FAM110A: variants seen among roughly 807,000 people sequenced by gnomAD.
The protein encoded by FAM110A is family with sequence similarity 110 member A.
Under a neutral mutation model 4.0 loss-of-function variants are expected in FAM110A, and 1 was observed. That is an observed-to-expected ratio of 0.25 (90% confidence interval 0.09 to 1.20). The LOEUF (loss-of-function observed/expected upper bound fraction) is 1.20. FAM110A is among the 50% of genes most tolerant of loss of function. The probability of loss-of-function intolerance (pLI) is 0.50; values close to 1 mark genes in which losing one functional copy is unlikely to be tolerated. For synonymous variants in FAM110A, 217 were observed against 196.8 expected, an observed-to-expected ratio of 1.10 and a Z score of -0.86; for missense variants, 436 against 429.2, an observed-to-expected ratio of 1.02 and a Z score of -0.14.
chr20:845,852 G>A lies in FAM110A; in HGVS notation c.*160G>A. On this transcript the variant is annotated 3_prime_UTR_variant, in exon 2 of 2. Coordinates refer to ENST00000381941, the MANE Select transcript of FAM110A (RefSeq NM_001042353.3). ...GCTTAGAGGCTGGACCAGCATTGTT[G>A]GGCAAGGACTGACTCTCCAAGGGTT... is the stretch of plus-strand genomic sequence containing the variant. 7.0e-7 allele frequency: 1 copy of A among 1,419,272 alleles called. No individual in the cohort carries two copies. The allele number at this position is 1,419,272 out of a possible 1,614,324, so 87.9% of individuals were successfully genotyped here.
chr20:845,088 GC>G lies in FAM110A; in HGVS notation c.288del (p.Cys97AlafsTer95). On this transcript the variant is annotated frameshift_variant, in exon 2 of 2. Transcript: ENST00000381941. LOFTEE classifies it high-confidence loss of function. The part of the protein sequence containing the change: ...VLTPSRRALP[G>X]PCRRPQLDLD... ...ACGCCCAGCCGCCGAGCCCTGCCTG[GC>G]CCCTGCCGACGGCCCCAGCTGGACC... The G allele has an allele frequency of 6.3e-7, 1 of 1,597,044 alleles. No homozygotes were observed.
rs1469530443 is a variant in FAM110A at position 845,585 on chromosome 20, C to G, written c.781C>G (p.Arg261Gly). ...CTCGGTGACTGTTGAGGAGCGGGCC[C>G]GGGAGCGCGTTCCCTATGGCGTGTC... ...RSSVTVEERARERVPYGVSVV... is the reference protein window; with the variant it reads ...RSSVTVEERAGERVPYGVSVV... The change falls in exon 2 of 2, where the codon CGG (arginine) becomes GGG (glycine). Residue 261 changes from arginine to glycine, a missense_variant. Arg to Gly is a moderately radical substitution (Grantham distance 125, BLOSUM62 -2). Coordinates refer to ENST00000381941, the MANE Select transcript of FAM110A (RefSeq NM_001042353.3). The G allele has an allele frequency of 1.9e-6, 3 of 1,613,752 alleles. No individual in the cohort carries two copies. The highest frequency in any genetic ancestry group is 2.7e-5 in the African/African-American group (2 of 74,910).
Position 840,172 on chromosome 20 carries a change from T to G in FAM110A, c.-97-4536T>G, listed in dbSNP as rs1159427874. Among the ~76,000 whole-genome samples, 1 of 152,136 alleles carries G rather than the reference T, an allele frequency of 6.6e-6. No individual in the cohort carries two copies. The highest frequency in any genetic ancestry group is 2.4e-5 in the African/African-American group (1 of 41,430). The stretch of plus-strand genomic sequence containing the variant: ...CAGGCCATTTGGAGGATGAAGGACT[T>G]GTTGCCCCGTCCCCTGTAAAGTCAG... On this transcript the variant is annotated intron_variant, in intron 1 of 1. Coordinates refer to ENST00000381941, the MANE Select transcript of FAM110A (RefSeq NM_001042353.3). This position sits in a 1 kb window ranked among gnomAD's most constrained non-coding sequence, Gnocchi z 4.4.
chr20:840,049 C>A lies in FAM110A; in HGVS notation c.-97-4659C>A. On this transcript the variant is annotated intron_variant, in intron 1 of 1. Coordinates refer to ENST00000381941, the MANE Select transcript of FAM110A (RefSeq NM_001042353.3). The surrounding 1 kb of genome is among the most constrained non-coding windows in gnomAD (Gnocchi z 4.4). ...TTCTTTTCTTTGCTATTACGAAAAT[C>A]ATTATTGTTGCTTTGCTGTTACTAC... The A allele has an allele frequency of 2.4e-6, 2 of 824,120 alleles. No individual in the cohort carries two copies. Among genetic ancestry groups the A allele is most frequent in the South Asian group, 1.6e-5 (1 of 64,166 alleles). 51.1% of individuals were successfully genotyped at this position (824,120 alleles called of 1,614,324 possible).
rs1980166038 is a variant in FAM110A, at chr20:844,755, C to T, written c.-50C>T. 5 of 1,311,592 alleles carry T rather than the reference C, an allele frequency of 3.8e-6. No individual in the cohort carries two copies. The highest frequency in any genetic ancestry group is 2.1e-5 in the African/African-American group (1 of 46,962). The allele number at this position is 1,311,592 out of a possible 1,614,324, so 81.2% of individuals were successfully genotyped here. On this transcript the variant is annotated 5_prime_UTR_variant, in exon 2 of 2. Coordinates refer to ENST00000381941, the MANE Select transcript of FAM110A (RefSeq NM_001042353.3). ...TACTTTCTGCCCGGATCTCTGGCTCCTCATCTCTCCGGTCTCCGCAGACTA... is the reference window on the plus strand; with the variant it reads ...TACTTTCTGCCCGGATCTCTGGCTCTTCATCTCTCCGGTCTCCGCAGACTA...
At chr20:838,127 C>A (rs1979679334) in intron 1 of FAM110A, among the ~76,000 whole-genome samples, 1 of 152,068 alleles carries the variant, frequency 6.6e-6, no homozygotes, top group Non-Finnish European at 1.5e-5. Context: ...CTATTTGAGG[C>A]TGCAGTGAGC....
chr20:845,895 C>CA lies in FAM110A; in HGVS notation c.*204dup. 8.9e-7 allele frequency: 1 copy of CA among 1,125,196 alleles called. No individual in the cohort carries two copies. Among genetic ancestry groups the CA allele is most frequent in the Non-Finnish European group, 1.2e-6 (1 of 809,002 alleles). 69.7% of individuals were successfully genotyped at this position (1,125,196 alleles called of 1,614,324 possible). On this transcript the variant is annotated 3_prime_UTR_variant, in exon 2 of 2. Coordinates refer to ENST00000381941, the MANE Select transcript of FAM110A (RefSeq NM_001042353.3). Reference sequence around the variant, plus strand: ...CAAGGGTTTTGTTCTTGGCTTTGGACACCTGAGAACCCCCTCCTCCCCTCC... The same window carrying CA: ...CAAGGGTTTTGTTCTTGGCTTTGGACAACCTGAGAACCCCCTCCTCCCCTCC...
In FAM110A at chr20:845,826, G is replaced by A; in HGVS notation, c.*134G>A. ...GTTGTGAACTTGGTATGGAGGCAAA[G>A]GCTTAGAGGCTGGACCAGCATTGTT... On this transcript the variant is annotated 3_prime_UTR_variant, in exon 2 of 2. Coordinates refer to ENST00000381941, the MANE Select transcript of FAM110A (RefSeq NM_001042353.3). 1 of 1,467,232 alleles carries A rather than the reference G, an allele frequency of 6.8e-7. No individual in the cohort carries two copies. Among genetic ancestry groups the A allele is most frequent in the East Asian group, 2.5e-5 (1 of 40,488 alleles). 90.9% of individuals were successfully genotyped at this position (1,467,232 alleles called of 1,614,324 possible).
In FAM110A at chr20:845,257, C is replaced by G. The variant is rs2122703296; in HGVS notation, c.453C>G (p.Val151=). The stretch of plus-strand genomic sequence containing the variant: ...GACCGCCGCCCAGTACCTCTGCGGT[C>G]CGCCGGGTGGACGTCCGCCCCCTGC... ...PPRPPPSTSA[V]RRVDVRPLPA... The change falls in exon 2 of 2, where the codon GTC becomes GTG. Residue 151 remains valine, a synonymous_variant. Transcript: ENST00000381941. 1 of 1,494,442 alleles carries G rather than the reference C, an allele frequency of 6.7e-7. No homozygotes were observed. Among genetic ancestry groups the G allele is most frequent in the Non-Finnish European group, 8.9e-7 (1 of 1,125,390 alleles). The allele number at this position is 1,494,442 out of a possible 1,614,324, so 92.6% of individuals were successfully genotyped here.
At chr20:837,856 A>G (rs897742995) in intron 1 of FAM110A, among the ~76,000 whole-genome samples, 4 of 151,520 alleles carry the variant, frequency 2.6e-5, no homozygotes, top group Non-Finnish European at 4.4e-5. Context: ...TGGAAAGGCC[A>G]GGAGCACGGT....
chr20:836,006 C>T lies in FAM110A; in HGVS notation c.-98+2055C>T, dbSNP rs1979554964. 4 of 152,212 alleles carry T rather than the reference C, an allele frequency of 2.6e-5. 1 individual carries two copies. The South Asian group carries it at 8.3e-4, about 32-fold the overall frequency. 9.4% of individuals were successfully genotyped at this position (152,212 alleles called of 1,614,324 possible). ...TATAACCTTTGGAAACCACACCTCC[C>T]ACCCCCTCACCAAAGAATAAAAATC... On this transcript the variant is annotated intron_variant, in intron 1 of 1. Transcript: ENST00000381941.
Position 840,552 on chromosome 20 carries a change from G to C in FAM110A, c.-97-4156G>C, listed in dbSNP as rs1979830825. On this transcript the variant is annotated intron_variant, in intron 1 of 1. Coordinates refer to ENST00000381941, the MANE Select transcript of FAM110A (RefSeq NM_001042353.3). The surrounding 1 kb of genome is among the most constrained non-coding windows in gnomAD (Gnocchi z 4.4). ...CTCTGGGGATTTAAATGAGTATGGT[G>C]CCTGGCACCCCAAAATTCTAGTTAT... Among the ~76,000 whole-genome samples the C allele has an allele frequency of 6.6e-6, 1 of 152,186 alleles. No homozygotes were observed. Among genetic ancestry groups the C allele is most frequent in the Non-Finnish European group, 1.5e-5 (1 of 68,032 alleles).
chr20:842,003 G>A (rs1042156124), intron 1 of FAM110A, among the ~76,000 whole-genome samples: 1 of 152,214 alleles, frequency 6.6e-6, no homozygotes, highest in Non-Finnish European at 1.5e-5. Flanking sequence ...AAATCTTCTT[G>A]AAGACCAGGA....
Position 844,847 on chromosome 20 carries a change from G to T in FAM110A, c.43G>T (p.Ala15Ser). The T allele has an allele frequency of 8.5e-6, 13 of 1,525,568 alleles. No individual in the cohort carries two copies. Among genetic ancestry groups the T allele is most frequent in the South Asian group, 1.2e-5 (1 of 80,480 alleles). The allele number at this position is 1,525,568 out of a possible 1,614,324, so 94.5% of individuals were successfully genotyped here. The change falls in exon 2 of 2, where the codon GCC becomes TCC. Residue 15 changes from alanine to serine, a missense_variant. Transcript: ENST00000381941. Reference protein sequence around the residue: ...TLSPGAPSAPALPCRLRTRVP... With the variant: ...TLSPGAPSAPSLPCRLRTRVP... ...GAGCCCCGGAGCCCCGTCCGCCCCC[G>T]CCCTACCTTGCCGCCTGCGGACCAG...
intron 1 of FAM110A, among the ~76,000 whole-genome samples, chr20:841,518 C>T (rs1209669500): frequency 2.0e-5 from 3 of 152,176 alleles, no homozygotes; most frequent in African/African-American, 7.2e-5. Flanking sequence ...GCTAGCCGAC[C>T]CCCCATCCCC....
In FAM110A at chr20:834,070, G is replaced by A. The variant is rs1979453820; in HGVS notation, c.-98+119G>A. On this transcript the variant is annotated intron_variant, in intron 1 of 1. Coordinates refer to ENST00000381941, the MANE Select transcript of FAM110A (RefSeq NM_001042353.3). The surrounding 1 kb of genome is among the most constrained non-coding windows in gnomAD (Gnocchi z 5.6). ...GTGTCATTTCACAGATGAGGACTCT[G>A]AGGCTCAGAGAGGCAAGTGTCCCGG... 1.3e-5 allele frequency: 2 copies of A among 152,382 alleles called. No homozygotes were observed. The highest frequency in any genetic ancestry group is 2.4e-5 in the African/African-American group (1 of 41,466). 9.4% of individuals were successfully genotyped at this position (152,382 alleles called of 1,614,324 possible).
rs879111452 is a variant in FAM110A at position 844,675 on chromosome 20, C to CTT, written c.-97-20_-97-19dup. On this transcript the variant is annotated intron_variant, in intron 1 of 1. Transcript: ENST00000381941. ...AGCCTCTTTGTCTGAGCGCGCTCGGCTTTTTTTTTTTTTTCTCTCTCCTTC... is the reference window on the plus strand; with the variant it reads ...AGCCTCTTTGTCTGAGCGCGCTCGGCTTTTTTTTTTTTTTTTCTCTCTCCTTC... 6.0e-3 allele frequency: 6,700 copies of CTT among 1,119,152 alleles called. 2 individuals are homozygous for CTT. The highest frequency in any genetic ancestry group is 0.011 in the South Asian group (378 of 33,204). The allele number at this position is 1,119,152 out of a possible 1,614,324, so 69.3% of individuals were successfully genotyped here.
intron 1 of FAM110A, among the ~76,000 whole-genome samples, chr20:835,200 C>CTCTCTATATA (rs757995617): frequency 1.6e-4 from 23 of 140,492 alleles, no homozygotes; most frequent in African/African-American, 4.9e-4. Flanking sequence ...CTCTCTCTCT[C>CTCTCTATATA]TATATATATA....
In FAM110A at chr20:845,002, T is replaced by C; in HGVS notation, c.198T>C (p.Pro66=). Residue 66 remains proline, a synonymous_variant, in exon 2 of 2, where the codon CCT becomes CCC. Transcript: ENST00000381941. ...ACGTGGCCAACACCCGCCAGGAGCC[T>C]GTGCAGCCCCTGCTGTCCAAACAGC... The part of the protein sequence containing the change: ...SLHVANTRQE[P]VQPLLSKQPL... The C allele has an allele frequency of 6.3e-7, 1 of 1,596,896 alleles. No homozygotes were observed. The highest frequency in any genetic ancestry group is 8.5e-7 in the Non-Finnish European group (1 of 1,172,576).
Sources: gnomAD v4.1 joint callset for allele counts (sites outside exome capture counted in the v4.1 genomes callset) on GRCh38, gnomAD v4.1.1 for gene constraint, Gnocchi (gnomAD v3.1) non-coding constraint, MANE v1.5 for transcripts, NCBI Gene and HGNC (gene_info 2026-07-23, HGNC 2026-07-21) for gene names.